SP6: variants seen among roughly 807,000 people sequenced by gnomAD.
SP6 encodes Sp6 transcription factor, also known as transcription factor Sp6.
A neutral mutation model predicts 23.4 loss-of-function variants in SP6; 10 were observed. The observed-to-expected ratio is 0.43, with a 90% CI of 0.26 to 0.72. SP6 has a LOEUF of 0.72. Among genes scored for constraint, SP6 ranks in the 30% least tolerant of loss-of-function variants. The pLI, the probability that SP6 is intolerant of heterozygous loss-of-function variation, is 0.23. For missense variants in SP6, 482 were observed against 523.8 expected (o/e 0.92, Z 0.78); for synonymous variants, 238 against 238.7 (o/e 1.00, Z 0.03).
chr17:47,867,814 G>T, the SP6 span, among the ~76,000 whole-genome samples: 1 of 152,120 alleles, frequency 6.6e-6, no homozygotes, highest in Non-Finnish European at 1.5e-5. Context: ...GAGGAGCCTG[G>T]GAAGGAAGAA....
the SP6 span, among the ~76,000 whole-genome samples, chr17:47,862,716 G>C: frequency 6.6e-6 from 1 of 152,192 alleles, no homozygotes. Context: ...GGAAAAAGTG[G>C]CATTGATCTA....
chr17:47,853,146 GA>G (rs2033974026), upstream of SP6, among the ~76,000 whole-genome samples: 1 of 152,246 alleles, frequency 6.6e-6, no homozygotes, highest in Admixed American at 6.5e-5. Context: ...CAGGTATTTG[GA>G]AGCCGGAGAT....
At chr17:47,854,279 A>G (rs949233350), upstream of SP6, among the ~76,000 whole-genome samples, 43 of 152,198 alleles carry the variant, frequency 2.8e-4, no homozygotes, top group African/African-American at 1.0e-3. Flanking sequence ...AGCACCTACT[A>G]TGTTCCAGAT....
chr17:47,862,075 G>A, the SP6 span, among the ~76,000 whole-genome samples: 1 of 151,676 alleles, frequency 6.6e-6, no homozygotes, highest in Admixed American at 6.6e-5. Context: ...TGGCATGGTG[G>A]TGGCTCATGC....
At position 47,851,127 on chromosome 17, in the gene SP6, C is replaced by G. The variant is rs1184631206; in HGVS notation, c.-266G>C. 6.6e-6 allele frequency: 1 copy of G among 152,348 alleles called. No homozygotes were observed. The highest frequency in any genetic ancestry group is 2.1e-4 in the South Asian group (1 of 4,838). The allele number at this position is 152,348 out of a possible 1,614,324, so 9.4% of individuals were successfully genotyped here. A position where few individuals can be genotyped will look rare whatever the true frequency, so the allele number is the denominator to read the frequency against. ...GGGCGGGCAGGAGCCAGCGAGCGAACAAGGCCAGCTCCGCCCGTGACTCAC... is the reference window on the plus strand; with the variant it reads ...GGGCGGGCAGGAGCCAGCGAGCGAAGAAGGCCAGCTCCGCCCGTGACTCAC... On this transcript the variant is annotated 5_prime_UTR_variant, in exon 1 of 2. Transcript: ENST00000536300.
rs1190374098 is a variant in SP6, at chr17:47,848,076, G to C, written c.354C>G (p.Gly118=). 6.2e-7 allele frequency: 1 copy of C among 1,613,280 alleles called. No homozygotes were observed. The highest frequency in any genetic ancestry group is 2.2e-5 in the East Asian group (1 of 44,890). ...FRPTHPGAED[G]SWWDLHPGTS... Reference sequence around the variant, plus strand: ...TGCCCGGATGAAGGTCCCACCACGAGCCATCCTCCGCGCCTGGGTGAGTCG... The same window carrying C: ...TGCCCGGATGAAGGTCCCACCACGACCCATCCTCCGCGCCTGGGTGAGTCG... The change falls in exon 2 of 2, where the codon GGC becomes GGG. Residue 118 remains glycine, a synonymous_variant. Coordinates refer to ENST00000536300, the MANE Select transcript of SP6 (RefSeq NM_001258248.2). The surrounding 1 kb of genome is among the most constrained non-coding windows in gnomAD (Gnocchi z 5.3).
chr17:47,860,923 G>A, the SP6 span, among the ~76,000 whole-genome samples: 1 of 152,092 alleles, frequency 6.6e-6, no homozygotes, highest in Admixed American at 6.5e-5. Flanking sequence ...CTGTGTCCTG[G>A]TCAGCTGGGC....
At chr17:47,850,042 A>T (rs961555868) in intron 1 of SP6, among the ~76,000 whole-genome samples, 2 of 152,144 alleles carry the variant, frequency 1.3e-5, no homozygotes, top group Non-Finnish European at 2.9e-5. Context: ...CCTCACCACA[A>T]GAGGAAAACA....
intron 1 of SP6, among the ~76,000 whole-genome samples, chr17:47,850,557 G>C (rs1233862212): frequency 6.6e-6 from 1 of 152,236 alleles, no homozygotes; most frequent in East Asian, 1.9e-4. Context: ...AAAGAGTTCA[G>C]GAAAGGAGAG....
At chr17:47,869,522 G>A in the SP6 span, among the ~76,000 whole-genome samples, 2 of 152,204 alleles carry the variant, frequency 1.3e-5, no homozygotes, top group African/African-American at 4.8e-5. Context: ...GGATAATCCT[G>A]ATGCATCCTG....
At chr17:47,854,081 G>A (rs2033981389), upstream of SP6, among the ~76,000 whole-genome samples, 1 of 152,098 alleles carries the variant, frequency 6.6e-6, no homozygotes, top group East Asian at 1.9e-4. Flanking sequence ...ATCTGTCTTG[G>A]ACTTGGGCCA....
chr17:47,866,423 G>A, the SP6 span, among the ~76,000 whole-genome samples: 5 of 152,194 alleles, frequency 3.3e-5, no homozygotes, highest in African/African-American at 1.2e-4. Context: ...GCCCAGGTTG[G>A]GGGCCATGGT....
At chr17:47,849,779 T>C (rs946881267) in intron 1 of SP6, among the ~76,000 whole-genome samples, 1 of 152,214 alleles carries the variant, frequency 6.6e-6, no homozygotes, top group African/African-American at 2.4e-5. Flanking sequence ...ATCTGTGGCT[T>C]GAAGTTCACT....
At chr17:47,862,087 T>G in the SP6 span, among the ~76,000 whole-genome samples, 1 of 150,484 alleles carries the variant, frequency 6.6e-6, no homozygotes, top group Non-Finnish European at 1.5e-5. Flanking sequence ...GGCTCATGCC[T>G]GTAATCCCAG....
chr17:47,864,339 G>T, the SP6 span: 1 of 151,820 alleles, frequency 6.6e-6, no homozygotes, highest in Non-Finnish European at 1.5e-5. Flanking sequence ...ATCATAGCTT[G>T]CAGAAGCCTC....
At chr17:47,861,718 C>T in the SP6 span, among the ~76,000 whole-genome samples, 1 of 150,660 alleles carries the variant, frequency 6.6e-6, no homozygotes, top group East Asian at 2.0e-4. Flanking sequence ...GGGTCTCACT[C>T]AGACAGAGTG....
chr17:47,855,479 G>T (rs1029201208), upstream of SP6, among the ~76,000 whole-genome samples: 1 of 152,090 alleles, frequency 6.6e-6, no homozygotes, highest in African/African-American at 2.4e-5. Context: ...CCAGTCAAAA[G>T]ACCTCCAAGG....
chr17:47,849,658 C>A (rs1433304646), intron 1 of SP6, among the ~76,000 whole-genome samples: 1 of 152,212 alleles, frequency 6.6e-6, no homozygotes, highest in Admixed American at 6.5e-5. Flanking sequence ...TTTATTCATT[C>A]AATAAACCAG....
intron 1 of SP6, among the ~76,000 whole-genome samples, 200 bp downstream of exon 1, chr17:47,850,719 T>C (rs970780503): frequency 1.3e-5 from 2 of 152,328 alleles, no homozygotes; most frequent in Non-Finnish European, 2.9e-5. Flanking sequence ...GTCGCTCCAG[T>C]TGCCCCGGTT....
Sources: allele counts gnomAD v4.1 joint callset (sites outside exome capture counted in the v4.1 genomes callset), GRCh38; gene constraint gnomAD v4.1.1; non-coding constraint Gnocchi (gnomAD v3.1); transcripts MANE v1.5; gene names NCBI Gene and HGNC (gene_info 2026-07-23, HGNC 2026-07-21).